EXOC2: variants seen among roughly 807,000 people sequenced by gnomAD.
EXOC2 encodes the protein exocyst complex component 2.
A neutral mutation model predicts 131.8 loss-of-function variants in EXOC2; 70 were observed. The observed-to-expected ratio is 0.53, with a 90% CI of 0.44 to 0.65. The LOEUF is 0.65. Ranked by LOEUF, EXOC2 falls within the 30% of genes least tolerant of loss-of-function variation. The pLI, the probability that EXOC2 is intolerant of heterozygous loss-of-function variation, is 0.00. For missense variants in EXOC2, 923 were observed against 1,108.6 expected (o/e 0.83, Z 2.38); for synonymous variants, 411 against 398.4 (o/e 1.03, Z -0.38).
In EXOC2 at chr6:485,515, A is replaced by C. The variant is rs1762995830; in HGVS notation, c.*1156T>G. 6.6e-6 allele frequency: 1 copy of C among 152,212 alleles called. No individual in the cohort carries two copies. Among genetic ancestry groups the C allele is most frequent in the African/African-American group, 2.4e-5 (1 of 41,456 alleles). The allele number at this position is 152,212 out of a possible 1,614,324, so 9.4% of individuals were successfully genotyped here. A position where few individuals can be genotyped will look rare whatever the true frequency, so the allele number is the denominator to read the frequency against. On this transcript the variant is annotated 3_prime_UTR_variant, in exon 28 of 28. Transcript: ENST00000230449. ...ACCATAGAAAAACTTGAAAACCCTG[A>C]CAAGCCGACTACAAAGAGAATTCCT...
chr6:692,550 A>T (rs543150350), intron 1 of EXOC2, among the ~76,000 whole-genome samples: 198 of 152,400 alleles, frequency 1.3e-3, no homozygotes, highest in African/African-American at 4.6e-3. Context: ...AAACGCTGAC[A>T]ACAGCGGCAG....
At chr6:494,288 C>T (rs1488815247) in intron 25 of EXOC2, among the ~76,000 whole-genome samples, 1 of 152,198 alleles carries the variant, frequency 6.6e-6, no homozygotes, top group African/African-American at 2.4e-5. Flanking sequence ...TATGGAGGCT[C>T]TGAAAGAACT....
chr6:562,323 G>C (rs1403878327), intron 17 of EXOC2, among the ~76,000 whole-genome samples: 1 of 152,180 alleles, frequency 6.6e-6, no homozygotes, highest in East Asian at 1.9e-4. Context: ...AAACCTAAAA[G>C]TCCCAGCTGA....
At chr6:590,262 T>G (rs1759467501) in intron 11 of EXOC2, among the ~76,000 whole-genome samples, 1 of 152,192 alleles carries the variant, frequency 6.6e-6, no homozygotes, top group Admixed American at 6.5e-5. Flanking sequence ...GACTGCAGAC[T>G]GTGTGTAACA....
chr6:508,490 A>T (rs1465323339), intron 23 of EXOC2, among the ~76,000 whole-genome samples: 1 of 152,112 alleles, frequency 6.6e-6, no homozygotes, highest in African/African-American at 2.4e-5. Flanking sequence ...GATCTTTTTA[A>T]TCTCTCCATA....
rs914818345 is a variant in EXOC2, at chr6:515,895, C to A, written c.2381-16195G>T. On this transcript the variant is annotated intron_variant, in intron 23 of 27. Transcript: ENST00000230449. ...TAGAAAACTTGCCCGTCCTTAGGTT[C>A]ACTGTTGTGATTTAATCCCTTAGAT... Among the ~76,000 whole-genome samples, 15 of 152,200 alleles carry A rather than the reference C, an allele frequency of 9.9e-5. 1 individual carries two copies. Among genetic ancestry groups the A allele is most frequent in the African/African-American group, 3.6e-4 (15 of 41,438 alleles).
At chr6:680,268 A>G (rs1764341657) in intron 1 of EXOC2, among the ~76,000 whole-genome samples, 1 of 152,214 alleles carries the variant, frequency 6.6e-6, no homozygotes, top group East Asian at 1.9e-4. Context: ...CAATTTTTTC[A>G]TATGGTCTAA....
intron 23 of EXOC2, among the ~76,000 whole-genome samples, chr6:507,951 C>T (rs1410576654): frequency 6.6e-6 from 1 of 152,170 alleles, no homozygotes; most frequent in Admixed American, 6.5e-5. Context: ...TTGTAAAGAA[C>T]ACAGTTGCCC....
intron 1 of EXOC2, chr6:669,167 G>T (rs984172850): frequency 6.6e-6 from 1 of 152,234 alleles, no homozygotes; most frequent in Non-Finnish European, 1.5e-5. Flanking sequence ...TGCTCCATGT[G>T]AAATGCAGCG....
chr6:690,170 C>T (rs1431419305), intron 1 of EXOC2, among the ~76,000 whole-genome samples: 3 of 152,100 alleles, frequency 2.0e-5, no homozygotes, highest in East Asian at 1.9e-4. Context: ...GCCTGGGCAA[C>T]GTAGGAAGAC....
chr6:662,368 C>T (rs1763460383), intron 1 of EXOC2, among the ~76,000 whole-genome samples: 1 of 152,170 alleles, frequency 6.6e-6, no homozygotes. Context: ...TTCAACAGCA[C>T]ATGGAACTTT....
intron 1 of EXOC2, among the ~76,000 whole-genome samples, chr6:655,152 C>G (rs1354581739): frequency 6.6e-6 from 1 of 152,192 alleles, no homozygotes; most frequent in Non-Finnish European, 1.5e-5. Flanking sequence ...AGCAAGTTAA[C>G]TACTTTATTT....
intron 25 of EXOC2, among the ~76,000 whole-genome samples, chr6:492,060 T>G (rs952036350): frequency 2.6e-5 from 4 of 152,184 alleles, no homozygotes; most frequent in South Asian, 2.1e-4. Flanking sequence ...AGAAACCCAG[T>G]GTAAATCTTT....
chr6:610,316 T>G, intron 6 of EXOC2, 138 bp from the exon 7 acceptor site: 1 of 701,008 alleles, frequency 1.4e-6, no homozygotes, highest in Non-Finnish European at 2.4e-6. Flanking sequence ...CATGCTACCC[T>G]GTACAAGGTA....
At chr6:604,265 C>A (rs1339364401) in intron 7 of EXOC2, among the ~76,000 whole-genome samples, 1 of 152,210 alleles carries the variant, frequency 6.6e-6, no homozygotes, top group Admixed American at 6.5e-5. Flanking sequence ...TGTAAATCAC[C>A]AATGACTACT....
chr6:676,817 G>A (rs373301564), intron 1 of EXOC2, among the ~76,000 whole-genome samples: 3,230 of 75,192 alleles, frequency 0.043, 47 homozygotes, highest in African/African-American at 0.076. Flanking sequence ...TCAACATTAC[G>A]GAAAGGACAG....
At chr6:557,631 A>AG (rs1234702924) in intron 17 of EXOC2, among the ~76,000 whole-genome samples, 34 of 151,126 alleles carry the variant, frequency 2.2e-4, no homozygotes, top group Admixed American at 5.3e-4. Context: ...AAAAAAAAAA[A>AG]AAAAGAAAAG....
At chr6:514,748 C>T (rs1342381351) in intron 23 of EXOC2, among the ~76,000 whole-genome samples, 2 of 152,214 alleles carry the variant, frequency 1.3e-5, no homozygotes, top group African/African-American at 4.8e-5. Context: ...GAGCACACAC[C>T]ACAGGCAGAT....
chr6:489,755 A>T (rs533456248), intron 26 of EXOC2, among the ~76,000 whole-genome samples: 15 of 152,230 alleles, frequency 9.9e-5, no homozygotes, highest in Non-Finnish European at 1.9e-4. Flanking sequence ...AAGGTGAAGA[A>T]ATACTGCAAT....
Sources: gnomAD v4.1 joint callset for allele counts (sites outside exome capture counted in the v4.1 genomes callset) on GRCh38, gnomAD v4.1.1 for gene constraint, MANE v1.5 for transcripts, NCBI Gene and HGNC (gene_info 2026-07-23, HGNC 2026-07-21) for gene names.